The following MAX variants were observed in gnomAD, a reference collection of about 807,000 sequenced individuals.
The protein encoded by MAX is protein max.
Under a neutral mutation model 22.3 loss-of-function variants are expected in MAX, and 3 were observed. That is an observed-to-expected ratio of 0.13 (90% CI 0.06 to 0.35). MAX has a LOEUF of 0.35. MAX is among the 10% of genes least tolerant of loss of function. The pLI, the probability that MAX is intolerant of heterozygous loss-of-function variation, is 1.00. For synonymous variants in MAX, 72 were observed against 77.7 expected, an observed-to-expected ratio of 0.93 and a Z score of 0.39; for missense variants, 119 against 209.4, an observed-to-expected ratio of 0.57 and a Z score of 2.66.
At chr14:65,037,772 A>T (rs1383336443) in intron 3 of MAX, among the ~76,000 whole-genome samples, 1 of 141,146 alleles carries the variant, frequency 7.1e-6, no homozygotes, top group East Asian at 2.1e-4. Context: ...TTATTTATTT[A>T]TTTATTTATT....
intron 3 of MAX, among the ~76,000 whole-genome samples, chr14:65,036,333 T>C (rs1479498740): frequency 6.6e-6 from 1 of 150,394 alleles, no homozygotes; most frequent in African/African-American, 2.4e-5. Flanking sequence ...ACCTCCTGGG[T>C]TCAAGTGATC....
chr14:65,012,482 C>G lies in MAX; in HGVS notation c.172-6198G>C. 2.0e-6 allele frequency: 3 copies of G among 1,516,684 alleles called. No individual in the cohort carries two copies. Among genetic ancestry groups the G allele is most frequent in the Non-Finnish European group, 2.7e-6 (3 of 1,109,612 alleles). 94.0% of individuals were successfully genotyped at this position (1,516,684 alleles called of 1,614,324 possible). On this transcript the variant is annotated intron_variant, in intron 3 of 3. Transcript: ENST00000341653. The surrounding 1 kb of genome is among the most constrained non-coding windows in gnomAD (Gnocchi z 5.0). ...AACGTAAAAGACTGTTGGGGCTGACCTGTTGCAGAGTCACTCTTTGTTCTC... is the reference window on the plus strand; with the variant it reads ...AACGTAAAAGACTGTTGGGGCTGACGTGTTGCAGAGTCACTCTTTGTTCTC...
Position 65,076,747 on chromosome 14 carries a change from C to T in MAX, c.296-84G>A. 1 of 1,544,310 alleles carries T rather than the reference C, an allele frequency of 6.5e-7. No homozygotes were observed. The highest frequency in any genetic ancestry group is 9.0e-7 in the Non-Finnish European group (1 of 1,117,234). ...TCTCAGACTCAGGGTCCAGCCTGTT[C>T]TTCCTAAGGGCTTGCTTGTTGGCCC... On this transcript the variant is annotated intron_variant, in intron 4 of 4. Transcript: ENST00000358664. This position sits in a 1 kb window ranked among gnomAD's most constrained non-coding sequence, Gnocchi z 6.6.
At chr14:65,020,618 G>T (rs1399159461) in intron 3 of MAX, among the ~76,000 whole-genome samples, 2 of 152,002 alleles carry the variant, frequency 1.3e-5, no homozygotes, top group Admixed American at 1.3e-4. Flanking sequence ...ATTTTTAGTA[G>T]AGATTGGGTT....
chr14:65,027,293 C>T lies in MAX; in HGVS notation c.172-21009G>A. On this transcript the variant is annotated intron_variant, in intron 3 of 3. Coordinates refer to the MAX transcript ENST00000341653. The surrounding 1 kb of genome is among the most constrained non-coding windows in gnomAD (Gnocchi z 5.7). ...GATGATAGCTGGAGAGAGAATTAAGCCCTTTGGGGAGAGGTTATATTCAAC... is the reference window on the plus strand; with the variant it reads ...GATGATAGCTGGAGAGAGAATTAAGTCCTTTGGGGAGAGGTTATATTCAAC... 1 of 1,105,016 alleles carries T rather than the reference C, an allele frequency of 9.0e-7. No individual in the cohort carries two copies. Among genetic ancestry groups the T allele is most frequent in the Non-Finnish European group, 1.3e-6 (1 of 777,794 alleles). The allele number at this position is 1,105,016 out of a possible 1,614,324, so 68.5% of individuals were successfully genotyped here.
chr14:65,072,724 G>A (rs184813031), downstream of MAX, among the ~76,000 whole-genome samples: 2 of 152,326 alleles, frequency 1.3e-5, no homozygotes, highest in East Asian at 3.9e-4. Flanking sequence ...AGTTCTGCCT[G>A]GGCCTCCAAA....
chr14:65,102,207 G>A (rs1283429147), intron 1 of MAX, 97 bp downstream of exon 1: 4 of 1,571,634 alleles, frequency 2.5e-6, no homozygotes, highest in East Asian at 2.4e-5. Flanking sequence ...AGGAGGCGGC[G>A]GCAGCCCGGC....
At chr14:65,039,606 T>C (rs2062297247) in intron 3 of MAX, among the ~76,000 whole-genome samples, 1 of 152,118 alleles carries the variant, frequency 6.6e-6, no homozygotes, top group African/African-American at 2.4e-5. Context: ...CCCTATCCTT[T>C]GGGTAGGAAA....
chr14:65,060,355 G>A (rs1487772157), intron 3 of MAX, among the ~76,000 whole-genome samples: 3 of 151,230 alleles, frequency 2.0e-5, no homozygotes, highest in African/African-American at 4.9e-5. Context: ...TTGGGAGGCC[G>A]AGGCGGGTGG....
chr14:65,053,532 C>T (rs1209810881), intron 3 of MAX, among the ~76,000 whole-genome samples: 1 of 151,958 alleles, frequency 6.6e-6, no homozygotes, highest in Non-Finnish European at 1.5e-5. Context: ...TTGATCTTGG[C>T]ACCTCCAGCT....
intron 3 of MAX, among the ~76,000 whole-genome samples, chr14:65,042,454 G>C (rs924051602): frequency 1.3e-5 from 2 of 152,124 alleles, no homozygotes; most frequent in African/African-American, 4.8e-5. Context: ...TTCACAGTAG[G>C]GTTTGCGCTC....
In MAX at chr14:65,062,806, G is replaced by A. The variant is rs530505462; in HGVS notation, c.171+30902C>T. Among the ~76,000 whole-genome samples the A allele has an allele frequency of 1.3e-5, 2 of 152,260 alleles. No individual in the cohort carries two copies. The highest frequency in any genetic ancestry group is 2.1e-4 in the South Asian group (1 of 4,828). On this transcript the variant is annotated intron_variant, in intron 3 of 3. Coordinates refer to the MAX transcript ENST00000341653. This position sits in a 1 kb window ranked among gnomAD's most constrained non-coding sequence, Gnocchi z 4.3. ...TGACCGAGTTCCATCCTCACATGCC[G>A]TCTCCTCCAGTAGAGGAAGCCGTGG...
chr14:65,061,040 C>T, intron 3 of MAX: 1 of 1,373,188 alleles, frequency 7.3e-7, no homozygotes, highest in East Asian at 2.4e-5. Flanking sequence ...GCAAATACAC[C>T]ATTTTTGAAC....
chr14:65,054,465 G>A lies in MAX; in HGVS notation c.171+39243C>T. 1 of 1,112,846 alleles carries A rather than the reference G, an allele frequency of 9.0e-7. No individual in the cohort carries two copies. The highest frequency in any genetic ancestry group is 2.6e-5 in the East Asian group (1 of 38,510). The allele number at this position is 1,112,846 out of a possible 1,614,324, so 68.9% of individuals were successfully genotyped here. On this transcript the variant is annotated intron_variant, in intron 3 of 3. Transcript: ENST00000341653. The surrounding 1 kb of genome is among the most constrained non-coding windows in gnomAD (Gnocchi z 4.4). ...ACCATGCCTCCTCTAGCCACATGGA[G>A]GATGGGGGGGGACGTGTGATTGCAC... is the stretch of plus-strand genomic sequence containing the variant.
At position 65,032,606 on chromosome 14, in the gene MAX, C is replaced by A; in HGVS notation, c.172-26322G>T. 1 of 1,613,304 alleles carries A rather than the reference C, an allele frequency of 6.2e-7. No homozygotes were observed. The highest frequency in any genetic ancestry group is 8.5e-7 in the Non-Finnish European group (1 of 1,179,908). On this transcript the variant is annotated intron_variant, in intron 3 of 3. Coordinates refer to the MAX transcript ENST00000341653. The surrounding 1 kb of genome is among the most constrained non-coding windows in gnomAD (Gnocchi z 5.0). ...TAATGTGTTTCCCGTTTCTGTCTTT[C>A]CAGAAGCGCATACTGTGCTGCCTCC...
At chr14:65,061,324 C>G in intron 3 of MAX, 1 of 1,613,260 alleles carries the variant, frequency 6.2e-7, no homozygotes, top group South Asian at 1.1e-5. Flanking sequence ...GGACCTGGGT[C>G]CCGGCAGCTC....
chr14:65,040,240 G>A (rs761726507), intron 3 of MAX, among the ~76,000 whole-genome samples: 13 of 145,506 alleles, frequency 8.9e-5, no homozygotes, highest in Non-Finnish European at 1.8e-4. Flanking sequence ...TAACTTGATG[G>A]TTATCACTAT....
chr14:65,020,348 A>G (rs1262758428), intron 3 of MAX, among the ~76,000 whole-genome samples: 3 of 152,154 alleles, frequency 2.0e-5, no homozygotes, highest in South Asian at 2.1e-4. Context: ...CCTGGGCTCA[A>G]TTGATCCTCC....
intron 3 of MAX, among the ~76,000 whole-genome samples, chr14:65,037,741 A>ATTTT (rs372196330): frequency 2.3e-5 from 3 of 132,716 alleles, no homozygotes; most frequent in Middle Eastern, 3.7e-3. Flanking sequence ...TTATTTATTT[A>ATTTT]TTATTTATTT....
Sources: gnomAD v4.1 joint callset for allele counts (sites outside exome capture counted in the v4.1 genomes callset) on GRCh38, gnomAD v4.1.1 for gene constraint, Gnocchi (gnomAD v3.1) non-coding constraint, MANE v1.5 for transcripts, NCBI Gene and HGNC (gene_info 2026-07-23, HGNC 2026-07-21) for gene names.